ZNF345: variants seen among roughly 807,000 people sequenced by gnomAD.
ZNF345 encodes zinc finger protein 345.
For missense variants in ZNF345, 527 were observed against 589.9 expected, an observed-to-expected ratio of 0.89 and a Z score of 1.10; for synonymous variants, 166 against 187.9, an observed-to-expected ratio of 0.88 and a Z score of 0.95.
At chr19:36,892,810 C>T (rs1378929488) in intron 3 of ZNF345, 1 of 725,418 alleles carries the variant, frequency 1.4e-6, no homozygotes, top group Admixed American at 4.2e-5. Flanking sequence ...TTTTTGCCCC[C>T]ACCCCAGATC....
downstream of ZNF345, among the ~76,000 whole-genome samples, chr19:36,883,740 C>T (rs369214989): frequency 2.0e-3 from 310 of 152,270 alleles, 2 homozygotes; most frequent in South Asian, 0.022. Context: ...TGGAATCGTA[C>T]GCTGAACCCT....
At chr19:36,892,766 T>G in intron 3 of ZNF345, 1 of 468,032 alleles carries the variant, frequency 2.1e-6, no homozygotes, top group Non-Finnish European at 3.5e-6. Context: ...ATCCTCCATA[T>G]TATAGAGAGA....
intron 2 of ZNF345, among the ~76,000 whole-genome samples, chr19:36,856,916 C>A (rs1403928894): frequency 1.3e-5 from 2 of 151,436 alleles, no homozygotes; most frequent in African/African-American, 4.8e-5. Flanking sequence ...TATTACAACA[C>A]ATTTAGAAAA....
At chr19:36,872,060 C>A (rs952903265) in intron 2 of ZNF345, among the ~76,000 whole-genome samples, 2 of 152,120 alleles carry the variant, frequency 1.3e-5, no homozygotes, top group Non-Finnish European at 1.5e-5. Context: ...AGTCACCATG[C>A]CCGGCCCTGT....
chr19:36,859,151 G>T (rs906026969), intron 2 of ZNF345, among the ~76,000 whole-genome samples: 1 of 147,564 alleles, frequency 6.8e-6, no homozygotes, highest in Middle Eastern at 3.5e-3. Context: ...CTTTTTTATG[G>T]TTTTTTTTTT....
intron 3 of ZNF345, chr19:36,890,489 G>A (rs1217884654): frequency 6.6e-6 from 1 of 151,916 alleles, no homozygotes; most frequent in Admixed American, 6.6e-5. Flanking sequence ...TCTTCTTGTT[G>A]AATTTATCCT....
intron 2 of ZNF345, among the ~76,000 whole-genome samples, chr19:36,875,547 A>C (rs1469665755): frequency 6.6e-6 from 1 of 152,174 alleles, no homozygotes; most frequent in Non-Finnish European, 1.5e-5. Flanking sequence ...GGAACTTTTA[A>C]GAGCGAGTTC....
intron 2 of ZNF345, among the ~76,000 whole-genome samples, chr19:36,854,825 T>C (rs1410974375): frequency 1.3e-5 from 2 of 151,962 alleles, no homozygotes; most frequent in African/African-American, 2.4e-5. Context: ...TTTACTCTTC[T>C]CACTTATCAG....
At chr19:36,873,775 T>C (rs2072820019) in intron 2 of ZNF345, among the ~76,000 whole-genome samples, 1 of 152,122 alleles carries the variant, frequency 6.6e-6, no homozygotes, top group South Asian at 2.1e-4. Flanking sequence ...CATAACGTCC[T>C]CCAGTTTCAT....
Position 36,876,812 on chromosome 19 carries a change from A to C in ZNF345, c.-19A>C. ...TATGAATCAAAGTTGAGACCAAGAA[A>C]TTATTTCTGAAAAAGGATATGGAAA... On this transcript the variant is annotated 5_prime_UTR_variant, in exon 3 of 3. Coordinates refer to ENST00000420450, the MANE Select transcript of ZNF345 (RefSeq NM_001242472.2). 6.4e-7 allele frequency: 1 copy of C among 1,555,282 alleles called. No homozygotes were observed. The highest frequency in any genetic ancestry group is 1.2e-5 in the South Asian group (1 of 80,518).
rs149214652 is a variant in ZNF345, at chr19:36,859,878, G to GCACA, written c.-47+7993_-47+7996dup. On this transcript the variant is annotated intron_variant, in intron 2 of 2. Transcript: ENST00000420450. Reference sequence around the variant, plus strand: ...CTTCTCTCTCTCCCTCTCTCTCTCTGCACACACACACACACACACACAGAC... The same window carrying GCACA: ...CTTCTCTCTCTCCCTCTCTCTCTCTGCACACACACACACACACACACACACAGAC... 3.1e-3 allele frequency among the ~76,000 whole-genome samples: 459 copies of GCACA among 147,932 alleles called. 1 individual carries two copies. Among genetic ancestry groups the GCACA allele is most frequent in the South Asian group, 7.0e-3 (33 of 4,700 alleles).
intron 2 of ZNF345, among the ~76,000 whole-genome samples, chr19:36,852,605 C>CAA (rs758224332): frequency 1.2e-4 from 10 of 85,332 alleles, no homozygotes; most frequent in African/African-American, 3.6e-4. Flanking sequence ...GACTCCATCT[C>CAA]AAAAAAAAAA....
At chr19:36,882,032 A>C (rs941151138), downstream of ZNF345, among the ~76,000 whole-genome samples, 2 of 147,414 alleles carry the variant, frequency 1.4e-5, no homozygotes, top group Non-Finnish European at 3.0e-5. Context: ...GATTTGAAGG[A>C]GTCCCATTCA....
intron 2 of ZNF345, among the ~76,000 whole-genome samples, chr19:36,873,003 C>T (rs112486329): frequency 4.6e-5 from 7 of 152,244 alleles, no homozygotes; most frequent in African/African-American, 1.4e-4. Context: ...GATTTCTTCT[C>T]AGTAGACGTT....
chr19:36,888,973 T>C (rs1313379488), intron 3 of ZNF345: 2 of 152,232 alleles, frequency 1.3e-5, no homozygotes, highest in African/African-American at 2.4e-5. Context: ...GGTTTCGCCA[T>C]GTCAGCCAGA....
intron 3 of ZNF345, among the ~76,000 whole-genome samples, chr19:36,887,536 A>G (rs892503508): frequency 1.5e-4 from 23 of 152,206 alleles, no homozygotes; most frequent in African/African-American, 5.3e-4. Context: ...ATTTTACAAT[A>G]GAGAATGAAG....
At chr19:36,866,706 G>A (rs2072667761) in intron 2 of ZNF345, among the ~76,000 whole-genome samples, 1 of 152,034 alleles carries the variant, frequency 6.6e-6, no homozygotes, top group African/African-American at 2.4e-5. Flanking sequence ...GCACCACCAA[G>A]CCTAGCTAAT....
chr19:36,855,951 G>A (rs568731705), intron 2 of ZNF345, among the ~76,000 whole-genome samples: 4 of 152,138 alleles, frequency 2.6e-5, no homozygotes, highest in Non-Finnish European at 4.4e-5. Flanking sequence ...CATAAAGAGC[G>A]TGACCTTAAG....
intron 3 of ZNF345, chr19:36,888,948 T>G (rs961768424): frequency 3.9e-5 from 6 of 152,328 alleles, no homozygotes; most frequent in Non-Finnish European, 7.3e-5. Context: ...ATTTTTCTAT[T>G]TTTAGTAGAG....
Sources: gnomAD v4.1 joint callset for allele counts (sites outside exome capture counted in the v4.1 genomes callset) on GRCh38, gnomAD v4.1.1 for gene constraint, MANE v1.5 for transcripts, NCBI Gene and HGNC (gene_info 2026-07-23, HGNC 2026-07-21) for gene names.